PRDM11: variants seen among roughly 807,000 people sequenced by gnomAD.
PRDM11 encodes PR/SET domain 11.
A neutral mutation model predicts 97.8 loss-of-function variants in PRDM11; 20 were observed. The ratio of observed to expected loss-of-function variants is 0.20; its 90% confidence interval spans 0.14 to 0.30. The LOEUF (loss-of-function observed/expected upper bound fraction) is 0.30. Among genes scored for constraint, PRDM11 ranks in the 10% least tolerant of loss-of-function variants. PRDM11 has a pLI of 1.00. For synonymous variants in PRDM11, 599 were observed against 637.7 expected (o/e 0.94, Z 0.91); for missense variants, 1,139 against 1,555.2 (o/e 0.73, Z 4.50).
chr11:45,137,293 C>CT (rs1361856913), intron 1 of PRDM11, among the ~76,000 whole-genome samples: 2 of 135,720 alleles, frequency 1.5e-5, no homozygotes. Flanking sequence ...ATTAGCCAGG[C>CT]TTGGTGGCAC....
chr11:45,120,412 T>C (rs11038310), intron 1 of PRDM11, among the ~76,000 whole-genome samples: 2,027 of 152,132 alleles, frequency 0.013, 40 homozygotes, highest in African/African-American at 0.046. Flanking sequence ...TAAAACCACA[T>C]GCAGGCTCAT....
Position 45,226,916 on chromosome 11 carries a change from G to C in PRDM11, c.2291G>C (p.Arg764Pro), listed in dbSNP as rs1325744399. 2 of 1,533,912 alleles carry C rather than the reference G, an allele frequency of 1.3e-6. No homozygotes were observed. The highest frequency in any genetic ancestry group is 8.7e-7 in the Non-Finnish European group (1 of 1,146,730). ...CTGTGCCTGCCCTTCATGGTGCACCGGCCCCACCTGGAGATCCTGGATGCC... is the reference window on the plus strand; with the variant it reads ...CTGTGCCTGCCCTTCATGGTGCACCCGCCCCACCTGGAGATCCTGGATGCC... ...WLLCLPFMVH[R>P]PHLEILDAIS... The change falls in exon 8 of 8, where the codon CGG becomes CCG. Residue 764 changes from arginine (R) to proline (P), a missense_variant. Physicochemically the swap from Arg to Pro is moderately radical, Grantham distance 103. Around this residue, in one of 2 missense-constraint regions of PRDM11, gnomAD observed 710 missense variants for 1,044.9 expected, o/e 0.68. Coordinates refer to ENST00000683152, the MANE Select transcript of PRDM11 (RefSeq NM_001384648.1).
chr11:45,159,896 G>A (rs1271945772), intron 1 of PRDM11, among the ~76,000 whole-genome samples: 1 of 152,224 alleles, frequency 6.6e-6, no homozygotes, highest in African/African-American at 2.4e-5. Context: ...GCTGGGGGCT[G>A]CAGAAACAGA....
intron 1 of PRDM11, among the ~76,000 whole-genome samples, chr11:45,166,762 C>T (rs1359787971): frequency 1.3e-5 from 2 of 152,252 alleles, no homozygotes; most frequent in Non-Finnish European, 2.9e-5. Context: ...CCTTCCACCT[C>T]CTTCCTGGAG....
intron 1 of PRDM11, among the ~76,000 whole-genome samples, chr11:45,164,614 C>A (rs574851813): frequency 6.6e-6 from 1 of 152,338 alleles, no homozygotes; most frequent in South Asian, 2.1e-4. Context: ...CCAGCCATGT[C>A]CCTGTGCCTT....
chr11:45,110,202 C>T (rs1006572495), intron 1 of PRDM11, among the ~76,000 whole-genome samples: 9 of 152,176 alleles, frequency 5.9e-5, no homozygotes, highest in Non-Finnish European at 8.8e-5. Flanking sequence ...TTTCTTGGAT[C>T]GGGGTGGCTT....
At chr11:45,162,174 C>G (rs1030838779) in intron 1 of PRDM11, among the ~76,000 whole-genome samples, 2 of 152,178 alleles carry the variant, frequency 1.3e-5, no homozygotes, top group Non-Finnish European at 2.9e-5. Flanking sequence ...CTCTGGGTAC[C>G]TAGAGGGGGC....
intron 1 of PRDM11, among the ~76,000 whole-genome samples, chr11:45,127,471 C>A (rs1590359533): frequency 6.6e-6 from 1 of 152,174 alleles, no homozygotes; most frequent in Admixed American, 6.5e-5. Flanking sequence ...GTAGTTTTAT[C>A]TACTTTTGGT....
At chr11:45,201,832 G>A (rs889320177) in intron 4 of PRDM11, among the ~76,000 whole-genome samples, 4 of 152,108 alleles carry the variant, frequency 2.6e-5, no homozygotes, top group Admixed American at 6.5e-5. Flanking sequence ...AATTAGTCAG[G>A]CATGGTGGCA....
chr11:45,223,622 T>A (rs1266381797), intron 6 of PRDM11, among the ~76,000 whole-genome samples: 2 of 152,164 alleles, frequency 1.3e-5, no homozygotes, highest in Admixed American at 1.3e-4. Flanking sequence ...GAAGTTCAGA[T>A]CATGCTTTCT....
intron 1 of PRDM11, among the ~76,000 whole-genome samples, chr11:45,115,141 A>ATGTG (rs72077365): frequency 2.4e-3 from 365 of 149,514 alleles, no homozygotes; most frequent in African/African-American, 3.9e-3. Context: ...TGTATATAGC[A>ATGTG]TGTGTGTGTG....
chr11:45,105,236 T>A (rs1444499082), intron 1 of PRDM11, among the ~76,000 whole-genome samples: 1 of 152,212 alleles, frequency 6.6e-6, no homozygotes, highest in African/African-American at 2.4e-5. Flanking sequence ...CCTAATTGCC[T>A]CCTCAATGCC....
chr11:45,177,190 G>A (rs1852346823), intron 1 of PRDM11, among the ~76,000 whole-genome samples: 5 of 152,220 alleles, frequency 3.3e-5, no homozygotes, highest in Admixed American at 3.3e-4. Flanking sequence ...CCTGCCAAGG[G>A]TGAAAACAGA....
chr11:45,209,111 G>T (rs978994310), intron 5 of PRDM11: 1 of 456,724 alleles, frequency 2.2e-6, no homozygotes, highest in Non-Finnish European at 4.4e-6. Context: ...ACATGAAACG[G>T]AGGACCAAGG....
intron 1 of PRDM11, among the ~76,000 whole-genome samples, chr11:45,128,136 G>C (rs1215381067): frequency 6.6e-6 from 1 of 152,206 alleles, no homozygotes; most frequent in African/African-American, 2.4e-5. Context: ...TGTGGGCGTA[G>C]GACCCTCCGA....
At chr11:45,179,675 C>A (rs1852419085) in intron 1 of PRDM11, among the ~76,000 whole-genome samples, 1 of 152,170 alleles carries the variant, frequency 6.6e-6, no homozygotes, top group African/African-American at 2.4e-5. Context: ...GGGCACCTAA[C>A]CCTTATGACC....
chr11:45,133,283 A>G (rs1187534200), intron 1 of PRDM11, among the ~76,000 whole-genome samples: 1 of 152,188 alleles, frequency 6.6e-6, no homozygotes, highest in Non-Finnish European at 1.5e-5. Flanking sequence ...TGTTCTTGTT[A>G]AGGACATAAG....
At chr11:45,144,799 A>G (rs568778378), upstream of PRDM11, among the ~76,000 whole-genome samples, 3 of 152,198 alleles carry the variant, frequency 2.0e-5, no homozygotes, top group Non-Finnish European at 4.4e-5. Context: ...CTCAAAAGGA[A>G]CAACAAATGG....
chr11:45,103,831 C>T (rs1852019220), intron 1 of PRDM11, among the ~76,000 whole-genome samples: 2 of 150,600 alleles, frequency 1.3e-5, no homozygotes, highest in Non-Finnish European at 3.0e-5. Flanking sequence ...AGCAATAACA[C>T]TAATCTACCT....
Sources: allele counts gnomAD v4.1 joint callset (sites outside exome capture counted in the v4.1 genomes callset), GRCh38; gene constraint gnomAD v4.1.1; regional missense constraint gnomAD v4.1.1; transcripts MANE v1.5; gene names NCBI Gene and HGNC (gene_info 2026-07-23, HGNC 2026-07-21).